The following CSMD1 variants were observed in gnomAD, a reference collection of about 807,000 sequenced individuals.
The protein encoded by CSMD1 is CUB and Sushi multiple domains 1, also known as CUB and sushi domain-containing protein 1.
CSMD1 carries 213 observed loss-of-function variants against 417.5 expected under a neutral mutation model. The observed-to-expected ratio is 0.51, with a 90% CI of 0.46 to 0.57. The LOEUF is 0.57. CSMD1 is among the 20% of genes least tolerant of loss of function. The pLI is 0.00. For missense variants in CSMD1, 6,923 were observed against 4,529.7 expected, an observed-to-expected ratio of 1.53 and a Z score of -15.17; for synonymous variants, 2,862 against 1,736.8, an observed-to-expected ratio of 1.65 and a Z score of -16.11.
At chr8:3,924,240 C>T (rs1228829726) in intron 5 of CSMD1, among the ~76,000 whole-genome samples, 1 of 152,188 alleles carries the variant, frequency 6.6e-6, no homozygotes, top group Non-Finnish European at 1.5e-5. Flanking sequence ...CAGAAAGATG[C>T]TGATGTTCTT....
At chr8:3,870,860 G>T (rs531612196) in intron 5 of CSMD1, among the ~76,000 whole-genome samples, 1 of 152,030 alleles carries the variant, frequency 6.6e-6, no homozygotes, top group East Asian at 1.9e-4. Flanking sequence ...TCTGTCTTAG[G>T]TTCCTTAGAT....
intron 1 of CSMD1, among the ~76,000 whole-genome samples, chr8:4,686,272 T>C (rs900097800): frequency 1.3e-5 from 2 of 152,236 alleles, no homozygotes; most frequent in African/African-American, 4.8e-5. Flanking sequence ...AAGGAATGCT[T>C]TCTTTTCAAC....
In CSMD1 at chr8:3,096,993, T is replaced by C; in HGVS notation, c.6994A>G (p.Ile2332Val). The part of the protein sequence containing the change: ...NEVRTGSSGV[I>V]LSPGYPGNYF... ...TTACCCGGATACCCTGGACTGAGAA[T>C]GACTCCCGATGATCCAGTCCGGACT... The change falls in exon 47 of 70, where the codon ATT becomes GTT. Residue 2332 changes from isoleucine to valine, a missense_variant. Coordinates refer to ENST00000635120, the MANE Select transcript of CSMD1 (RefSeq NM_033225.6). 2 of 1,555,790 alleles carry C rather than the reference T, an allele frequency of 1.3e-6. No homozygotes were observed. The highest frequency in any genetic ancestry group is 2.4e-5 in the East Asian group (1 of 41,550).
rs544193465 is a variant in CSMD1, at chr8:3,307,408, G to A, written c.3950+287C>T. Among the ~76,000 whole-genome samples, 181 of 38,638 alleles carry A rather than the reference G, an allele frequency of 4.7e-3. 1 individual carries two copies. The highest frequency in any genetic ancestry group is 0.014 in the African/African-American group (172 of 11,890). 25.3% of individuals were successfully genotyped at this position (38,638 alleles called of 152,430 possible). A position where few individuals can be genotyped will look rare whatever the true frequency, so the allele number is the denominator to read the frequency against. On this transcript the variant is annotated intron_variant, in intron 25 of 69. Coordinates refer to ENST00000635120, the MANE Select transcript of CSMD1 (RefSeq NM_033225.6). ...CAGAACAGCCCAGGCAACCCACGAA[G>A]TCATGATGTTTTTTTTCAGCTACTA...
intron 3 of CSMD1, among the ~76,000 whole-genome samples, chr8:4,218,958 A>G (rs927700394): frequency 7.2e-5 from 11 of 152,176 alleles, no homozygotes; most frequent in African/African-American, 2.2e-4. Context: ...ATTTTTTCCA[A>G]CGTATGTCTA....
At chr8:3,956,023 G>A (rs1204303908) in intron 5 of CSMD1, among the ~76,000 whole-genome samples, 2 of 152,158 alleles carry the variant, frequency 1.3e-5, no homozygotes, top group African/African-American at 4.8e-5. Flanking sequence ...TCGAACTCCT[G>A]ACCTCAGGTG....
intron 57 of CSMD1, 107 bp downstream of exon 57, chr8:2,973,010 T>A (rs1385717629): frequency 3.2e-5 from 34 of 1,062,528 alleles, no homozygotes; most frequent in Non-Finnish European, 4.3e-5. Context: ...TTTAATTGTA[T>A]AAATAGTACA....
chr8:3,510,368 C>G (rs546943240), intron 10 of CSMD1, among the ~76,000 whole-genome samples: 69 of 151,918 alleles, frequency 4.5e-4, no homozygotes, highest in Middle Eastern at 3.4e-3. Context: ...GTAGAGAAAG[C>G]ACATGGGTAC....
intron 5 of CSMD1, among the ~76,000 whole-genome samples, chr8:3,917,432 C>T (rs1808906618): frequency 6.6e-6 from 1 of 152,096 alleles, no homozygotes; most frequent in Non-Finnish European, 1.5e-5. Flanking sequence ...CACACACACA[C>T]ACACACACGC....
At chr8:3,276,290 C>T (rs1298233093) in intron 26 of CSMD1, among the ~76,000 whole-genome samples, 2 of 152,122 alleles carry the variant, frequency 1.3e-5, no homozygotes, top group East Asian at 3.9e-4. Context: ...GTCAGATCTC[C>T]AGCTGCATGC....
At chr8:3,577,296 G>A (rs551405348) in intron 9 of CSMD1, among the ~76,000 whole-genome samples, 1 of 152,218 alleles carries the variant, frequency 6.6e-6, no homozygotes, top group African/African-American at 2.4e-5. Flanking sequence ...AAGCCAGCCC[G>A]TCACCACATT....
At chr8:3,253,240 G>A (rs994025166) in intron 26 of CSMD1, among the ~76,000 whole-genome samples, 2 of 151,886 alleles carry the variant, frequency 1.3e-5, no homozygotes, top group African/African-American at 2.4e-5. Flanking sequence ...CTTTGCTCTC[G>A]TTGGTTTCAA....
intron 5 of CSMD1, among the ~76,000 whole-genome samples, chr8:3,783,988 G>A (rs565496882): frequency 4.6e-5 from 7 of 152,188 alleles, no homozygotes; most frequent in Non-Finnish European, 1.0e-4. Context: ...CTCTTCTGGT[G>A]CCTGACCTTT....
At chr8:3,889,858 T>A (rs543748600) in intron 5 of CSMD1, among the ~76,000 whole-genome samples, 1 of 152,224 alleles carries the variant, frequency 6.6e-6, no homozygotes, top group Non-Finnish European at 1.5e-5. Flanking sequence ...AAATAAAATA[T>A]TACCAAAGGT....
At chr8:3,826,173 G>C (rs1023740594) in intron 5 of CSMD1, among the ~76,000 whole-genome samples, 55 of 152,188 alleles carry the variant, frequency 3.6e-4, no homozygotes, top group African/African-American at 1.3e-3. Flanking sequence ...GGCTTTGACT[G>C]AGTTGAAAGC....
At chr8:4,126,579 G>A (rs1442338842) in intron 3 of CSMD1, among the ~76,000 whole-genome samples, 3 of 152,252 alleles carry the variant, frequency 2.0e-5, no homozygotes, top group East Asian at 1.9e-4. Flanking sequence ...GACTGGGGAC[G>A]GGCCACCTTC....
chr8:4,881,990 G>A (rs1197888051), intron 1 of CSMD1, among the ~76,000 whole-genome samples: 1 of 151,948 alleles, frequency 6.6e-6, no homozygotes, highest in Non-Finnish European at 1.5e-5. Context: ...GCTATACCTG[G>A]AAAGAAATCT....
intron 3 of CSMD1, among the ~76,000 whole-genome samples, chr8:4,109,580 C>A (rs1248378152): frequency 6.6e-6 from 1 of 152,148 alleles, no homozygotes; most frequent in Admixed American, 6.5e-5. Flanking sequence ...ATGTCTGGAA[C>A]TACGCAGGAG....
At chr8:4,235,745 G>GA (rs1309608182) in intron 3 of CSMD1, among the ~76,000 whole-genome samples, 16 of 152,018 alleles carry the variant, frequency 1.1e-4, no homozygotes, top group African/African-American at 3.4e-4. Flanking sequence ...GTGTAATGAG[G>GA]AAAAAATGTG....
Sources: gnomAD v4.1 joint callset for allele counts (sites outside exome capture counted in the v4.1 genomes callset) on GRCh38, gnomAD v4.1.1 for gene constraint, MANE v1.5 for transcripts, NCBI Gene and HGNC (gene_info 2026-07-23, HGNC 2026-07-21) for gene names.